CDYL2: variants seen among roughly 807,000 people sequenced by gnomAD.
CDYL2 encodes chromodomain Y-like protein 2.
In CDYL2, 23 loss-of-function variants were observed where a neutral mutation model predicts 49.4. The ratio of observed to expected loss-of-function variants is 0.47; its 90% CI spans 0.34 to 0.66. CDYL2 has a LOEUF of 0.66. Ranked by LOEUF, CDYL2 falls within the 30% of genes least tolerant of loss-of-function variation. The pLI is 0.01. For missense variants in CDYL2, 678 were observed against 656.4 expected (o/e 1.03, Z -0.36); for synonymous variants, 360 against 268.8 (o/e 1.34, Z -3.32).
intron 2 of CDYL2, chr16:80,639,826 T>C (rs1908003113): frequency 2.3e-6 from 1 of 427,868 alleles, no homozygotes; most frequent in Non-Finnish European, 4.6e-6. Context: ...GTGTAGCAAT[T>C]GTGAGGCATT....
intron 1 of CDYL2, among the ~76,000 whole-genome samples, chr16:80,706,304 G>A (rs946627109): frequency 6.6e-6 from 1 of 152,172 alleles, no homozygotes; most frequent in Middle Eastern, 3.2e-3. Context: ...CCTCACACAA[G>A]AATGTGAGCT....
chr16:80,695,939 C>T (rs536751405), intron 1 of CDYL2, among the ~76,000 whole-genome samples: 4 of 152,194 alleles, frequency 2.6e-5, no homozygotes, highest in African/African-American at 9.7e-5. Flanking sequence ...TCAACTGCTG[C>T]AGAACGCATA....
chr16:80,762,841 G>T (rs368515588), intron 1 of CDYL2, among the ~76,000 whole-genome samples: 1 of 152,146 alleles, frequency 6.6e-6, no homozygotes, highest in Non-Finnish European at 1.5e-5. Context: ...AATGCAAGAA[G>T]ACTGTCATGT....
chr16:80,801,532 A>G (rs1907926273), intron 1 of CDYL2, among the ~76,000 whole-genome samples: 1 of 152,268 alleles, frequency 6.6e-6, no homozygotes, highest in South Asian at 2.1e-4. Flanking sequence ...GCAGACACAC[A>G]GGTGAAATAT....
intron 1 of CDYL2, among the ~76,000 whole-genome samples, chr16:80,802,792 A>C (rs1437756622): frequency 6.6e-6 from 1 of 152,166 alleles, no homozygotes; most frequent in Non-Finnish European, 1.5e-5. Flanking sequence ...CACCACCTGA[A>C]AAAGCTTCAA....
intron 1 of CDYL2, among the ~76,000 whole-genome samples, chr16:80,748,202 G>A (rs570779125): frequency 6.7e-6 from 1 of 148,900 alleles, no homozygotes; most frequent in Non-Finnish European, 1.5e-5. Flanking sequence ...GGCCAGAGGT[G>A]TAGGTCTGTG....
intron 2 of CDYL2, among the ~76,000 whole-genome samples, chr16:80,659,627 T>C (rs992858194): frequency 6.6e-6 from 1 of 151,674 alleles, no homozygotes; most frequent in Non-Finnish European, 1.5e-5. Flanking sequence ...TGTGTCTATA[T>C]ACATATACAT....
In CDYL2 at chr16:80,783,814, T is replaced by C. The variant is rs1907347770; in HGVS notation, c.24+20336A>G. Among the ~76,000 whole-genome samples, 2 of 152,178 alleles carry C rather than the reference T, an allele frequency of 1.3e-5. 1 individual carries two copies. Among genetic ancestry groups the C allele is most frequent in the South Asian group, 4.1e-4 (2 of 4,832 alleles). ...AAAGCCAAATAGAAAAGGCCATATG[T>C]TATACAATTCCATTTGTATGAAATA... On this transcript the variant is annotated intron_variant, in intron 1 of 6. Coordinates refer to ENST00000570137, the MANE Select transcript of CDYL2 (RefSeq NM_152342.4).
chr16:80,764,779 G>C (rs778343025), intron 1 of CDYL2, among the ~76,000 whole-genome samples: 1 of 151,906 alleles, frequency 6.6e-6, no homozygotes, highest in African/African-American at 2.4e-5. Flanking sequence ...TTAGTTCCTC[G>C]GCTAGGCGCG....
At chr16:80,772,740 C>G (rs1212117560) in intron 1 of CDYL2, among the ~76,000 whole-genome samples, 4 of 152,116 alleles carry the variant, frequency 2.6e-5, no homozygotes, top group Non-Finnish European at 4.4e-5. Flanking sequence ...TGTGAGCCAC[C>G]ACGCCTGGCC....
chr16:80,628,076 T>C (rs544600573), intron 3 of CDYL2: 2 of 152,366 alleles, frequency 1.3e-5, no homozygotes, highest in Admixed American at 1.3e-4. Context: ...GCAACCACCT[T>C]CAAGGGAGAT....
chr16:80,755,320 T>C (rs1478156259), intron 1 of CDYL2, among the ~76,000 whole-genome samples: 4 of 152,116 alleles, frequency 2.6e-5, no homozygotes, highest in Admixed American at 6.5e-5. Context: ...GTAAGGTGAA[T>C]TGGAAGGGCT....
chr16:80,653,283 T>C (rs1448452928), intron 2 of CDYL2, among the ~76,000 whole-genome samples: 3 of 152,182 alleles, frequency 2.0e-5, no homozygotes, highest in African/African-American at 7.2e-5. Flanking sequence ...CTGATCAACA[T>C]GGAGATATTC....
intron 1 of CDYL2, among the ~76,000 whole-genome samples, chr16:80,762,795 G>A: frequency 6.6e-6 from 1 of 152,182 alleles, no homozygotes; most frequent in African/African-American, 2.4e-5. Flanking sequence ...CTCTCATAGG[G>A]CAGAGACGTG....
chr16:80,778,512 A>G (rs1210632813), intron 1 of CDYL2, among the ~76,000 whole-genome samples: 1 of 152,046 alleles, frequency 6.6e-6, no homozygotes, highest in Non-Finnish European at 1.5e-5. Context: ...ACAAAACTCT[A>G]AACTGTCTAA....
At chr16:80,629,606 G>A (rs1212716121) in intron 3 of CDYL2, among the ~76,000 whole-genome samples, 1 of 152,148 alleles carries the variant, frequency 6.6e-6, no homozygotes, top group Non-Finnish European at 1.5e-5. Flanking sequence ...TTCCTTAAGG[G>A]GCATTTCTGT....
At chr16:80,709,566 AC>A (rs1904523542) in intron 1 of CDYL2, among the ~76,000 whole-genome samples, 1 of 143,318 alleles carries the variant, frequency 7.0e-6, no homozygotes, top group African/African-American at 2.8e-5. Context: ...AAACAGACAC[AC>A]ACACACACAC....
At chr16:80,791,990 G>T (rs1030711373) in intron 1 of CDYL2, among the ~76,000 whole-genome samples, 15 of 152,318 alleles carry the variant, frequency 9.8e-5, no homozygotes, top group Non-Finnish European at 1.6e-4. Context: ...AAGGAAAAAG[G>T]ATGGAGTCAA....
intron 1 of CDYL2, among the ~76,000 whole-genome samples, chr16:80,694,990 A>G (rs1260267676): frequency 1.3e-5 from 2 of 152,374 alleles, no homozygotes; most frequent in East Asian, 3.9e-4. Flanking sequence ...GCTCCTGATA[A>G]TAAGAGTAAC....
Sources: allele counts gnomAD v4.1 joint callset (sites outside exome capture counted in the v4.1 genomes callset), GRCh38; gene constraint gnomAD v4.1.1; transcripts MANE v1.5; gene names NCBI Gene and HGNC (gene_info 2026-07-23, HGNC 2026-07-21).